CCDC85A: variants seen among roughly 807,000 people sequenced by gnomAD.
The protein encoded by CCDC85A is coiled-coil domain-containing protein 85A.
CCDC85A carries 38 observed loss-of-function variants against 50.2 expected under a neutral mutation model. That is an observed-to-expected ratio of 0.76 (90% CI 0.58 to 0.99). CCDC85A has a LOEUF of 0.99. Among genes scored for constraint, CCDC85A ranks in the 50% least tolerant of loss-of-function variants. The pLI is 0.00. For synonymous variants in CCDC85A, 366 were observed against 301.4 expected (o/e 1.21, Z -2.22); for missense variants, 820 against 742.0 (o/e 1.11, Z -1.22).
chr2:56,293,737 A>G (rs1671824963), intron 2 of CCDC85A, among the ~76,000 whole-genome samples: 1 of 152,228 alleles, frequency 6.6e-6, no homozygotes, highest in Non-Finnish European at 1.5e-5. Context: ...GAGAAATTCA[A>G]ATCAAAACCA....
chr2:56,344,813 T>C (rs1227531078), intron 3 of CCDC85A, among the ~76,000 whole-genome samples: 1 of 152,080 alleles, frequency 6.6e-6, no homozygotes, highest in Non-Finnish European at 1.5e-5. Context: ...CTCAGGCGAC[T>C]GGGAATGTAA....
intron 2 of CCDC85A, among the ~76,000 whole-genome samples, chr2:56,256,300 C>A (rs542508536): frequency 6.6e-6 from 1 of 152,128 alleles, no homozygotes; most frequent in Non-Finnish European, 1.5e-5. Flanking sequence ...GACTACACAT[C>A]TTTTTAAGCA....
intron 2 of CCDC85A, among the ~76,000 whole-genome samples, chr2:56,216,828 T>C (rs1202045055): frequency 6.6e-6 from 1 of 151,780 alleles, no homozygotes; most frequent in East Asian, 1.9e-4. Context: ...CCTGAAATTT[T>C]TTCCTGTTTC....
intron 2 of CCDC85A, among the ~76,000 whole-genome samples, chr2:56,284,028 AT>A (rs1374017738): frequency 6.6e-6 from 1 of 152,040 alleles, no homozygotes; most frequent in Non-Finnish European, 1.5e-5. Context: ...CCCTCTAAGC[AT>A]TGCTTTATTT....
At position 56,308,964 on chromosome 2, in the gene CCDC85A, T is replaced by C. The variant is rs181779497; in HGVS notation, c.1241-33915T>C. ...GGGCAGCTCTTCTAGAAGCCAGAACTCTGTTTTGGAGGAAGGGAGATCTGT... is the reference window on the plus strand; with the variant it reads ...GGGCAGCTCTTCTAGAAGCCAGAACCCTGTTTTGGAGGAAGGGAGATCTGT... On this transcript the variant is annotated intron_variant, in intron 2 of 5. Transcript: ENST00000407595. Among the ~76,000 whole-genome samples the C allele has an allele frequency of 4.3e-4, 66 of 152,266 alleles. No individual in the cohort carries two copies. The East Asian group carries it at 8.3e-3, about 19-fold the overall frequency.
At chr2:56,313,185 T>A (rs1406082237) in intron 2 of CCDC85A, among the ~76,000 whole-genome samples, 2 of 152,166 alleles carry the variant, frequency 1.3e-5, no homozygotes, top group African/African-American at 4.8e-5. Flanking sequence ...AGTCATGTTC[T>A]TTTTTGTTGT....
Position 56,202,426 on chromosome 2 carries a change from T to A in CCDC85A, c.1240+8986T>A, listed in dbSNP as rs72917058. ...ACCCCAAGGCCATATTCCTTCCAGATAAACATTCTTGAGAAGATGGTCTGA... is the reference window on the plus strand; with the variant it reads ...ACCCCAAGGCCATATTCCTTCCAGAAAAACATTCTTGAGAAGATGGTCTGA... On this transcript the variant is annotated intron_variant, in intron 2 of 5. Coordinates refer to ENST00000407595, the MANE Select transcript of CCDC85A (RefSeq NM_001080433.2). Among the ~76,000 whole-genome samples the A allele has an allele frequency of 1.6e-3, 249 of 152,320 alleles. 1 individual carries two copies. The highest frequency in any genetic ancestry group is 5.7e-3 in the African/African-American group (239 of 41,590).
At chr2:56,348,330 C>T (rs558521226) in intron 3 of CCDC85A, among the ~76,000 whole-genome samples, 14 of 152,252 alleles carry the variant, frequency 9.2e-5, no homozygotes, top group South Asian at 6.2e-4. Context: ...TAGAGGCACC[C>T]GGAACTGCCT....
At chr2:56,346,282 C>A (rs1242246975) in intron 3 of CCDC85A, among the ~76,000 whole-genome samples, 1 of 151,984 alleles carries the variant, frequency 6.6e-6, no homozygotes, top group East Asian at 1.9e-4. Flanking sequence ...ATGCAAAGAC[C>A]TTAATTTTTT....
intron 2 of CCDC85A, among the ~76,000 whole-genome samples, chr2:56,336,257 C>T (rs1236653668): frequency 6.6e-6 from 1 of 152,044 alleles, no homozygotes; most frequent in Non-Finnish European, 1.5e-5. Context: ...CAGGTTCAAG[C>T]AATTCTCCTG....
chr2:56,362,525 C>G (rs1675581957), intron 3 of CCDC85A, among the ~76,000 whole-genome samples: 1 of 151,600 alleles, frequency 6.6e-6, no homozygotes, highest in Non-Finnish European at 1.5e-5. Flanking sequence ...CTGGATACCC[C>G]AAGATTTAAA....
intron 2 of CCDC85A, among the ~76,000 whole-genome samples, chr2:56,306,575 G>A (rs1457789009): frequency 6.6e-6 from 1 of 152,110 alleles, no homozygotes; most frequent in Non-Finnish European, 1.5e-5. Context: ...ATGACATTTG[G>A]ATGTATGGTT....
intron 1 of CCDC85A, among the ~76,000 whole-genome samples, chr2:56,190,870 A>G (rs1212141955): frequency 6.6e-6 from 1 of 152,122 alleles, no homozygotes; most frequent in Non-Finnish European, 1.5e-5. Context: ...CCACACAACT[A>G]TGGAGATTCT....
rs117119559 is a variant in CCDC85A, at chr2:56,324,074, C to T, written c.1241-18805C>T. Reference sequence around the variant, plus strand: ...TATTGCTTTGTTCCATCTTAATGTTCTTGGGTACTTCTTAAGGACAAACTG... The same window carrying T: ...TATTGCTTTGTTCCATCTTAATGTTTTTGGGTACTTCTTAAGGACAAACTG... On this transcript the variant is annotated intron_variant, in intron 2 of 5. Transcript: ENST00000407595. Among the ~76,000 whole-genome samples, 430 of 152,168 alleles carry T rather than the reference C, an allele frequency of 2.8e-3. 13 individuals carry two copies. In the East Asian group the frequency reaches 0.055, roughly 19 times the overall value.
At chr2:56,294,206 A>T (rs1671845450) in intron 2 of CCDC85A, among the ~76,000 whole-genome samples, 1 of 152,164 alleles carries the variant, frequency 6.6e-6, no homozygotes, top group Non-Finnish European at 1.5e-5. Context: ...CAAACACCGA[A>T]TGTTCTCACT....
chr2:56,271,066 G>T (rs1447513981), intron 2 of CCDC85A, among the ~76,000 whole-genome samples: 1 of 152,170 alleles, frequency 6.6e-6, no homozygotes, highest in Admixed American at 6.5e-5. Context: ...GTGTCCCACA[G>T]CTTGTAAGTG....
intron 2 of CCDC85A, among the ~76,000 whole-genome samples, chr2:56,239,029 G>C (rs1360366744): frequency 6.6e-6 from 1 of 151,986 alleles, no homozygotes; most frequent in Non-Finnish European, 1.5e-5. Context: ...AATTTCTTTG[G>C]CAGCTGAAAA....
chr2:56,266,269 A>G lies in CCDC85A; in HGVS notation c.1240+72829A>G, dbSNP rs913434121. Among the ~76,000 whole-genome samples, 3 of 152,170 alleles carry G rather than the reference A, an allele frequency of 2.0e-5. No homozygotes were observed. In the East Asian group the frequency reaches 5.8e-4, roughly 29 times the overall value. On this transcript the variant is annotated intron_variant, in intron 2 of 5. Transcript: ENST00000407595. ...TATGATTAATAATAATGTATTGTGT[A>G]TTTCAAACTAGCTGAAAGAATGTGG...
chr2:56,239,406 C>G lies in CCDC85A; in HGVS notation c.1240+45966C>G, dbSNP rs77892072. On this transcript the variant is annotated intron_variant, in intron 2 of 5. Coordinates refer to ENST00000407595, the MANE Select transcript of CCDC85A (RefSeq NM_001080433.2). Reference sequence around the variant, plus strand: ...GCCTTGTGTTTGCTAACAAATTACTCTGTAGGGTTAATCTGGCCTGTTCCT... The same window carrying G: ...GCCTTGTGTTTGCTAACAAATTACTGTGTAGGGTTAATCTGGCCTGTTCCT... 0.01 allele frequency among the ~76,000 whole-genome samples: 1,536 copies of G among 152,096 alleles called. 98 individuals are homozygous for G. In the East Asian group the frequency reaches 0.19, roughly 19 times the overall value.
Sources: gnomAD v4.1 joint callset for allele counts (sites outside exome capture counted in the v4.1 genomes callset) on GRCh38, gnomAD v4.1.1 for gene constraint, MANE v1.5 for transcripts, NCBI Gene and HGNC (gene_info 2026-07-23, HGNC 2026-07-21) for gene names.